FCHSD1: variants seen among roughly 807,000 people sequenced by gnomAD.
The protein encoded by FCHSD1 is F-BAR and double SH3 domains protein 1.
A neutral mutation model predicts 101.3 loss-of-function variants in FCHSD1; 109 were observed. That is an observed-to-expected ratio of 1.08 (90% CI 0.92 to 1.26). The LOEUF is 1.26. Among genes scored for constraint, FCHSD1 ranks in the 50% most tolerant of loss-of-function variants. FCHSD1 has a pLI of 0.00. For missense variants in FCHSD1, 820 were observed against 895.8 expected, an observed-to-expected ratio of 0.92 and a Z score of 1.08; for synonymous variants, 291 against 356.8, an observed-to-expected ratio of 0.82 and a Z score of 2.08.
Position 141,639,399 on chromosome 5 carries a change from G to A in FCHSD1, c.*2099C>T, listed in dbSNP as rs552652553. On this transcript the variant is annotated 3_prime_UTR_variant, in exon 20 of 20. Transcript: ENST00000435817. The surrounding 1 kb of genome is among the most constrained non-coding windows in gnomAD (Gnocchi z 4.4). ...GTTTTAAGGAGCATGCTGAAAGAAC[G>A]TAAGAAACAAAACATGAAGGGAAAT... The A allele has an allele frequency of 3.2e-5, 44 of 1,393,648 alleles. No individual in the cohort carries two copies. In the Admixed American group the frequency reaches 3.9e-4, roughly 12 times the overall value. The allele number at this position is 1,393,648 out of a possible 1,614,324, so 86.3% of individuals were successfully genotyped here. A position where few individuals can be genotyped will look rare whatever the true frequency, so the allele number is the denominator to read the frequency against.
Position 141,649,634 on chromosome 5 carries a change from G to A in FCHSD1, c.234-98C>T, listed in dbSNP as rs928551830. 4.1e-6 allele frequency: 6 copies of A among 1,453,688 alleles called. No homozygotes were observed. The highest frequency in any genetic ancestry group is 5.5e-6 in the Non-Finnish European group (6 of 1,091,838). The allele number at this position is 1,453,688 out of a possible 1,614,324, so 90.0% of individuals were successfully genotyped here. A position where few individuals can be genotyped will look rare whatever the true frequency, so the allele number is the denominator to read the frequency against. On this transcript the variant is annotated intron_variant, in intron 4 of 19. Coordinates refer to ENST00000435817, the MANE Select transcript of FCHSD1 (RefSeq NM_033449.3). This position sits in a 1 kb window ranked among gnomAD's most constrained non-coding sequence, Gnocchi z 4.1. The stretch of plus-strand genomic sequence containing the variant: ...CCTGACCAACACCATGGGAGACAGA[G>A]TGCTTTCCCATCCTCCCTTGTCTGG...
At position 141,640,183 on chromosome 5, in the gene FCHSD1, C is replaced by G; in HGVS notation, c.*1315G>C. The G allele has an allele frequency of 6.2e-7, 1 of 1,614,144 alleles. No individual in the cohort carries two copies. On this transcript the variant is annotated 3_prime_UTR_variant, in exon 20 of 20. Coordinates refer to ENST00000435817, the MANE Select transcript of FCHSD1 (RefSeq NM_033449.3). ...ACCCCTCGTGCACTTGAAGGGAACC[C>G]CAGAGCTTCTGCAGAGCCAACACTG...
At chr5:141,645,514 G>A (rs1345597081) in intron 13 of FCHSD1, among the ~76,000 whole-genome samples, 3 of 152,154 alleles carry the variant, frequency 2.0e-5, no homozygotes, top group Non-Finnish European at 4.4e-5. Flanking sequence ...GCTCATAAGT[G>A]GAGTGGCTGG....
Position 141,651,395 on chromosome 5 carries a change from C to T in FCHSD1, c.-27G>A. ...TCCGCTCCAGCAAGGCGGTCAGCCA[C>T]TGGACTCCGGAACTGGAGGAAGCCC... On this transcript the variant is annotated 5_prime_UTR_variant, in exon 1 of 20. The change creates a new upstream start codon in the 5' untranslated region. Transcript: ENST00000435817. 1.3e-6 allele frequency: 2 copies of T among 1,551,576 alleles called. No homozygotes were observed. The highest frequency in any genetic ancestry group is 1.7e-6 in the Non-Finnish European group (2 of 1,147,226).
chr5:141,643,179 C>A, intron 17 of FCHSD1, 91 bp from the exon 18 acceptor site: 1 of 1,065,064 alleles, frequency 9.4e-7, no homozygotes, highest in Non-Finnish European at 1.3e-6. Context: ...CCTTCCTCAT[C>A]ACTTCTCAAT....
At position 141,639,746 on chromosome 5, in the gene FCHSD1, C is replaced by G; in HGVS notation, c.*1752G>C. ...TGGGCCTTGGCTCTTTCCTCCTGGA[C>G]TGGGAGCTCCGGCAGAAGTCAGGCT... On this transcript the variant is annotated 3_prime_UTR_variant, in exon 20 of 20. Coordinates refer to ENST00000435817, the MANE Select transcript of FCHSD1 (RefSeq NM_033449.3). This position sits in a 1 kb window ranked among gnomAD's most constrained non-coding sequence, Gnocchi z 4.4. 12 of 1,342,168 alleles carry G rather than the reference C, an allele frequency of 8.9e-6. No individual in the cohort carries two copies. The highest frequency in any genetic ancestry group is 1.2e-5 in the Non-Finnish European group (12 of 969,078). 83.1% of individuals were successfully genotyped at this position (1,342,168 alleles called of 1,614,324 possible).
chr5:141,641,814 T>G, intron 18 of FCHSD1, 57 bp from the exon 19 acceptor site: 1 of 1,560,200 alleles, frequency 6.4e-7, no homozygotes, highest in Non-Finnish European at 8.8e-7. Flanking sequence ...ATGCTGTATC[T>G]CCAGCACTTA....
intron 7 of FCHSD1, among the ~76,000 whole-genome samples, chr5:141,648,367 G>A (rs1335710902): frequency 6.6e-6 from 1 of 152,110 alleles, no homozygotes; most frequent in East Asian, 1.9e-4. Flanking sequence ...CTCTTTTCAA[G>A]CGCTTGTTCC....
At position 141,640,414 on chromosome 5, in the gene FCHSD1, G is replaced by T. The variant is rs1401175121; in HGVS notation, c.*1084C>A. ...TTGACCCCTCCCCTTTCTCTCAGGT[G>T]TCTCTACCACAGGGAGCAGGGAGTA... On this transcript the variant is annotated 3_prime_UTR_variant, in exon 20 of 20. Transcript: ENST00000435817. 1 of 1,614,058 alleles carries T rather than the reference G, an allele frequency of 6.2e-7. No homozygotes were observed. The highest frequency in any genetic ancestry group is 1.3e-5 in the African/African-American group (1 of 74,926).
At position 141,640,314 on chromosome 5, in the gene FCHSD1, G is replaced by A. The variant is rs32956; in HGVS notation, c.*1184C>T. 1.2e-6 allele frequency: 2 copies of A among 1,613,740 alleles called. No individual in the cohort carries two copies. Among genetic ancestry groups the A allele is most frequent in the South Asian group, 2.2e-5 (2 of 91,060 alleles). On this transcript the variant is annotated 3_prime_UTR_variant, in exon 20 of 20. Transcript: ENST00000435817. Reference sequence around the variant, plus strand: ...TCACCAGGTAGGAAAACACAGCCGGGACTGCACTGGGCTGGGCTCTTATTG... The same window carrying A: ...TCACCAGGTAGGAAAACACAGCCGGAACTGCACTGGGCTGGGCTCTTATTG...
At position 141,647,142 on chromosome 5, in the gene FCHSD1, G is replaced by T; in HGVS notation, c.917C>A (p.Thr306Asn). ...TPPQQFQPAG[T>N]DQVCVLEWGA... ...CAAGCAGGAAGATCTCACCTGATCAGTCCCTGCTGGCTGAAACTGCTGAGG... is the reference window on the plus strand; with the variant it reads ...CAAGCAGGAAGATCTCACCTGATCATTCCCTGCTGGCTGAAACTGCTGAGG... Residue 306 changes from threonine (T) to asparagine (N), a missense_variant, in exon 10 of 20, where the codon ACT becomes AAT. Physicochemically the swap from Thr to Asn is moderately conservative, Grantham distance 65. Transcript: ENST00000435817. The T allele has an allele frequency of 6.2e-7, 1 of 1,606,246 alleles. No individual in the cohort carries two copies. Among genetic ancestry groups the T allele is most frequent in the Non-Finnish European group, 8.5e-7 (1 of 1,176,350 alleles).
Position 141,640,034 on chromosome 5 carries a change from G to C in FCHSD1, c.*1464C>G. 6.2e-7 allele frequency: 1 copy of C among 1,613,584 alleles called. No individual in the cohort carries two copies. Among genetic ancestry groups the C allele is most frequent in the South Asian group, 1.1e-5 (1 of 91,080 alleles). ...GACAGGACCCAGGGGGTGGTCAGGG[G>C]TCTGGGGGAGGGCAGCCCAAGGCAG... is the stretch of plus-strand genomic sequence containing the variant. On this transcript the variant is annotated 3_prime_UTR_variant, in exon 20 of 20. Transcript: ENST00000435817.
chr5:141,645,668 C>T, intron 13 of FCHSD1, 103 bp downstream of exon 13: 1 of 1,366,312 alleles, frequency 7.3e-7, no homozygotes, highest in Non-Finnish European at 9.8e-7. Context: ...CGTAATAACC[C>T]TTTGAGTTAG....
rs370499796 is a variant in FCHSD1 at position 141,649,189 on chromosome 5, C to T, written c.495G>A (p.Ala165=). The T allele has an allele frequency of 7.0e-4, 1,137 of 1,614,010 alleles. 3 individuals are homozygous for T. The highest frequency in any genetic ancestry group is 5.0e-4 in the Non-Finnish European group (594 of 1,179,894). The change falls in exon 6 of 20, where the codon GCG becomes GCA. Residue 165 remains alanine, a synonymous_variant. Transcript: ENST00000435817. This position sits in a 1 kb window ranked among gnomAD's most constrained non-coding sequence, Gnocchi z 4.1. ...ERVWALAQEK[A]ADVQARLNRS... is the part of the protein sequence containing the mutation. ...GACCCCACCTGGCCTGGACATCAGCCGCCTTCTCCTGTGCCAAGGCCCACA... is the reference window on the plus strand; with the variant it reads ...GACCCCACCTGGCCTGGACATCAGCTGCCTTCTCCTGTGCCAAGGCCCACA...
In FCHSD1 at chr5:141,640,151, C is replaced by T; in HGVS notation, c.*1347G>A. The T allele has an allele frequency of 6.2e-7, 1 of 1,614,156 alleles. No homozygotes were observed. Among genetic ancestry groups the T allele is most frequent in the Non-Finnish European group, 8.5e-7 (1 of 1,180,010 alleles). On this transcript the variant is annotated 3_prime_UTR_variant, in exon 20 of 20. Coordinates refer to ENST00000435817, the MANE Select transcript of FCHSD1 (RefSeq NM_033449.3). ...TACAGAATGGAGGACTCAGGGACAGCAGCCTAACCCCTCGTGCACTTGAAG... is the reference window on the plus strand; with the variant it reads ...TACAGAATGGAGGACTCAGGGACAGTAGCCTAACCCCTCGTGCACTTGAAG...
At position 141,640,551 on chromosome 5, in the gene FCHSD1, A is replaced by G. The variant is rs968953480; in HGVS notation, c.*947T>C. On this transcript the variant is annotated 3_prime_UTR_variant, in exon 20 of 20. Transcript: ENST00000435817. ...AACCCCCCGAGTAAACTGCAGGCTTAGCCTTTGCTATAAATCCCTTGGTTT... is the reference window on the plus strand; with the variant it reads ...AACCCCCCGAGTAAACTGCAGGCTTGGCCTTTGCTATAAATCCCTTGGTTT... 38 of 1,579,860 alleles carry G rather than the reference A, an allele frequency of 2.4e-5. No homozygotes were observed. Among genetic ancestry groups the G allele is most frequent in the Non-Finnish European group, 3.0e-5 (35 of 1,161,044 alleles).
At chr5:141,642,890 C>T (rs1251625179) in intron 18 of FCHSD1, 111 bp downstream of exon 18, 4 of 1,104,872 alleles carry the variant, frequency 3.6e-6, no homozygotes, top group Non-Finnish European at 5.2e-6. Flanking sequence ...TGCTCTCCAC[C>T]AAGCAAGATG....
At chr5:141,642,313 CAT>C in intron 18 of FCHSD1, 1 of 625,048 alleles carries the variant, frequency 1.6e-6, no homozygotes, top group South Asian at 1.9e-5. Flanking sequence ...TACACATGGA[CAT>C]AGAGATGGAA....
At position 141,639,939 on chromosome 5, in the gene FCHSD1, GAGA is replaced by G; in HGVS notation, c.*1556_*1558del. The G allele has an allele frequency of 6.2e-7, 1 of 1,614,062 alleles. No individual in the cohort carries two copies. The highest frequency in any genetic ancestry group is 8.5e-7 in the Non-Finnish European group (1 of 1,180,024). On this transcript the variant is annotated 3_prime_UTR_variant, in exon 20 of 20. Coordinates refer to ENST00000435817, the MANE Select transcript of FCHSD1 (RefSeq NM_033449.3). This position sits in a 1 kb window ranked among gnomAD's most constrained non-coding sequence, Gnocchi z 4.4. ...TCCCAGGTTCCGGGTGACACACATT[GAGA>G]AGCGCTATGGACTGCACGAACACCG...
Sources: gnomAD v4.1 joint callset for allele counts (sites outside exome capture counted in the v4.1 genomes callset) on GRCh38, gnomAD v4.1.1 for gene constraint, Gnocchi (gnomAD v3.1) non-coding constraint, MANE v1.5 for transcripts, NCBI Gene and HGNC (gene_info 2026-07-23, HGNC 2026-07-21) for gene names.